The following NRP2 variants were observed in gnomAD, a reference collection of about 807,000 sequenced individuals.
NRP2 encodes neuropilin 2.
A neutral mutation model predicts 110.4 loss-of-function variants in NRP2; 52 were observed. The ratio of observed to expected loss-of-function variants is 0.47; its 90% CI spans 0.38 to 0.59. The LOEUF is 0.59. Ranked by LOEUF, NRP2 falls within the 20% of genes least tolerant of loss-of-function variation. NRP2 has a pLI of 0.00. For missense variants in NRP2, 1,049 were observed against 1,203.0 expected (o/e 0.87, Z 1.89); for synonymous variants, 508 against 468.9 (o/e 1.08, Z -1.08).
rs201900948 is a variant in NRP2 at position 205,743,244 on chromosome 2, A to C, written c.1333A>C (p.Ile445Leu). Residue 445 changes from isoleucine (I) to leucine (L), a missense_variant, in exon 9 of 17, where the codon ATT becomes CTT. Ile to Leu is a conservative substitution (Grantham distance 5). Transcript: ENST00000357785. ...CATGCTGGGGATGCTCTCAGGCCTC[A>C]TTGCAGACTCCCAGATCTCCGCCTC... ...SNMLGMLSGL[I>L]ADSQISASST... 185 of 1,613,872 alleles carry C rather than the reference A, an allele frequency of 1.1e-4. 1 individual carries two copies. In the East Asian group the frequency reaches 3.9e-3, roughly 34 times the overall value.
intron 2 of NRP2, among the ~76,000 whole-genome samples, chr2:205,704,372 C>T (rs1384568998): frequency 6.6e-6 from 1 of 152,222 alleles, no homozygotes; most frequent in Non-Finnish European, 1.5e-5. Flanking sequence ...GGCTTGATCA[C>T]TCACGACACT....
At position 205,727,886 on chromosome 2, in the gene NRP2, C is replaced by T; in HGVS notation, c.991-5C>T. 1 of 1,611,946 alleles carries T rather than the reference C, an allele frequency of 6.2e-7. No individual in the cohort carries two copies. The highest frequency in any genetic ancestry group is 1.1e-5 in the South Asian group (1 of 90,418). ...GGTCTCTTACTCCAGCCCTCTATTC[C>T]CCAGGTGGACCTGCGCTTTTTAACC... On this transcript the variant is annotated splice_region_variant and splice_polypyrimidine_tract_variant and intron_variant, in intron 6 of 16. Transcript: ENST00000357785.
chr2:205,704,276 C>T (rs571025740), intron 2 of NRP2, among the ~76,000 whole-genome samples: 4 of 152,288 alleles, frequency 2.6e-5, no homozygotes, highest in South Asian at 2.1e-4. Flanking sequence ...AGCTGGTCTC[C>T]GTTGAAGTCT....
Position 205,786,276 on chromosome 2 carries a change from A to G in NRP2, c.2426-5959A>G, listed in dbSNP as rs533545397. 5.9e-5 allele frequency among the ~76,000 whole-genome samples: 9 copies of G among 152,292 alleles called. No homozygotes were observed. The East Asian group carries it at 1.5e-3, about 26-fold the overall frequency. ...GAATCTCCTTAGTCCTTTGTTATTT[A>G]TCTTTTACTGAGGTCTCAGTGTTGT... On this transcript the variant is annotated intron_variant, in intron 15 of 16. Coordinates refer to ENST00000357785, the MANE Select transcript of NRP2 (RefSeq NM_003872.3).
At chr2:205,693,091 C>T (rs1158472822) in intron 1 of NRP2, among the ~76,000 whole-genome samples, 1 of 152,174 alleles carries the variant, frequency 6.6e-6, no homozygotes, top group African/African-American at 2.4e-5. Flanking sequence ...GAAAGAGTTT[C>T]TTCTTTGCCT....
chr2:205,775,254 G>A (rs1301649307), intron 15 of NRP2, among the ~76,000 whole-genome samples: 3 of 152,206 alleles, frequency 2.0e-5, no homozygotes, highest in Non-Finnish European at 4.4e-5. Context: ...ATCTTTGGGA[G>A]AATCAAGTTG....
At position 205,756,816 on chromosome 2, in the gene NRP2, T is replaced by C. The variant is rs2057741825; in HGVS notation, c.2044+3841T>C. On this transcript the variant is annotated intron_variant, in intron 12 of 16. Transcript: ENST00000357785. ...TCAGTGGCTGGTATCTTTATAGCTG[T>C]CTCATTCTCCCTCACTAGATAACTA... 2.0e-5 allele frequency: 3 copies of C among 152,276 alleles called. No individual in the cohort carries two copies. The South Asian group carries it at 6.2e-4, about 32-fold the overall frequency. The allele number at this position is 152,276 out of a possible 1,614,324, so 9.4% of individuals were successfully genotyped here. A position where few individuals can be genotyped will look rare whatever the true frequency, so the allele number is the denominator to read the frequency against.
At chr2:205,774,405 G>A in intron 15 of NRP2, among the ~76,000 whole-genome samples, 1 of 152,206 alleles carries the variant, frequency 6.6e-6, no homozygotes, top group Admixed American at 6.5e-5. Context: ...TGGGAGAAGA[G>A]GAAGATGTAT....
chr2:205,738,360 C>G (rs1188571352), intron 7 of NRP2, among the ~76,000 whole-genome samples: 1 of 152,196 alleles, frequency 6.6e-6, no homozygotes, highest in Non-Finnish European at 1.5e-5. Context: ...AAGCAAAGTG[C>G]TGCATTTGCT....
At chr2:205,709,616 A>C (rs2056757718) in intron 2 of NRP2, among the ~76,000 whole-genome samples, 1 of 152,250 alleles carries the variant, frequency 6.6e-6, no homozygotes, top group African/African-American at 2.4e-5. Flanking sequence ...CCCAGGTTAC[A>C]CAACACCCTC....
At chr2:205,720,237 A>C (rs1166191373) in intron 3 of NRP2, among the ~76,000 whole-genome samples, 2 of 150,244 alleles carry the variant, frequency 1.3e-5, no homozygotes, top group Non-Finnish European at 1.5e-5. Context: ...ATTTATAGCC[A>C]TATATCAGAA....
chr2:205,756,306 C>T lies in NRP2; in HGVS notation c.2044+3331C>T, dbSNP rs1044916091. Among the ~76,000 whole-genome samples, 117 of 152,234 alleles carry T rather than the reference C, an allele frequency of 7.7e-4. 2 individuals carry two copies. The highest frequency in any genetic ancestry group is 1.3e-4 in the Non-Finnish European group (9 of 68,014). ...CCACTTTGGCTTTCCTCTGTAGTGA[C>T]AATGACATAGGAAGCACCCCCTTAC... On this transcript the variant is annotated intron_variant, in intron 12 of 16. Transcript: ENST00000357785.
At chr2:205,722,172 TACACACAC>T (rs10646445) in intron 3 of NRP2, 147 of 279,870 alleles carry the variant, frequency 5.3e-4, no homozygotes, top group South Asian at 7.5e-4. Context: ...CTCTCTCTCA[TACACACAC>T]ACACACACAC....
At chr2:205,701,736 ATT>A (rs2056562570) in intron 2 of NRP2, among the ~76,000 whole-genome samples, 1 of 152,198 alleles carries the variant, frequency 6.6e-6, no homozygotes, top group Non-Finnish European at 1.5e-5. Flanking sequence ...ATGACATTCC[ATT>A]TAGGTGAAGT....
At chr2:205,752,766 G>C in intron 11 of NRP2, 69 bp from the exon 12 acceptor site, 3 of 1,551,410 alleles carry the variant, frequency 1.9e-6, no homozygotes, top group East Asian at 2.2e-5. Flanking sequence ...CATTTAAATA[G>C]TACCACTGTG....
chr2:205,774,071 C>A (rs1441189710), intron 15 of NRP2, among the ~76,000 whole-genome samples: 2 of 152,224 alleles, frequency 1.3e-5, no homozygotes, highest in Non-Finnish European at 2.9e-5. Context: ...CTCTGAGGAA[C>A]TCTGGGGGCA....
At chr2:205,791,199 C>G (rs1421865347) in intron 15 of NRP2, among the ~76,000 whole-genome samples, 3 of 152,070 alleles carry the variant, frequency 2.0e-5, no homozygotes, top group East Asian at 1.9e-4. Flanking sequence ...GATACTTCAG[C>G]CGTTTGGGAT....
intron 15 of NRP2, 145 bp downstream of exon 15, chr2:205,766,948 A>G: frequency 2.8e-6 from 2 of 721,920 alleles, no homozygotes; most frequent in Non-Finnish European, 4.9e-6. Context: ...CTGCCGCTAG[A>G]TGGCACTAGC....
intron 2 of NRP2, among the ~76,000 whole-genome samples, chr2:205,698,932 T>G (rs771249380): frequency 6.6e-6 from 1 of 152,348 alleles, no homozygotes; most frequent in Middle Eastern, 3.4e-3. Flanking sequence ...CACTTCCTCA[T>G]GGAGGAAACA....
Sources: gnomAD v4.1 joint callset for allele counts (sites outside exome capture counted in the v4.1 genomes callset) on GRCh38, gnomAD v4.1.1 for gene constraint, MANE v1.5 for transcripts, NCBI Gene and HGNC (gene_info 2026-07-23, HGNC 2026-07-21) for gene names.